Variants in PCSK2 observed in about 807,000 individuals in gnomAD.
The protein encoded by PCSK2 is proprotein convertase subtilisin/kexin type 2.
Under a neutral mutation model 69.7 loss-of-function variants are expected in PCSK2, and 14 were observed. The ratio of observed to expected loss-of-function variants is 0.20; its 90% CI spans 0.13 to 0.31. The LOEUF (loss-of-function observed/expected upper bound fraction) is 0.31, where lower values mean the gene tolerates loss of function less well. PCSK2 is among the 10% of genes least tolerant of loss of function. The pLI, the probability that PCSK2 is intolerant of heterozygous loss-of-function variation, is 1.00. For missense variants in PCSK2, 544 were observed against 842.5 expected (o/e 0.65, Z 4.39); for synonymous variants, 307 against 320.7 (o/e 0.96, Z 0.46).
chr20:17,329,795 A>T (rs2123149071), intron 2 of PCSK2, among the ~76,000 whole-genome samples: 1 of 152,356 alleles, frequency 6.6e-6, no homozygotes, highest in South Asian at 2.1e-4. Flanking sequence ...TGTTACGTAA[A>T]TATATGGTCA....
chr20:17,376,700 T>C (rs1202090118), intron 5 of PCSK2, among the ~76,000 whole-genome samples: 1 of 152,258 alleles, frequency 6.6e-6, no homozygotes, highest in Non-Finnish European at 1.5e-5. Context: ...CAATCATTCA[T>C]TCATTCAACA....
At chr20:17,472,699 T>C (rs2033222840) in intron 11 of PCSK2, among the ~76,000 whole-genome samples, 1 of 152,184 alleles carries the variant, frequency 6.6e-6, no homozygotes, top group African/African-American at 2.4e-5. Flanking sequence ...CCTGAGTAGC[T>C]GGGACTACAG....
At chr20:17,236,646 C>A (rs1485834941) in intron 1 of PCSK2, among the ~76,000 whole-genome samples, 1 of 152,046 alleles carries the variant, frequency 6.6e-6, no homozygotes, top group African/African-American at 2.4e-5. Flanking sequence ...TCTAATGTTA[C>A]CACAAGTCCT....
chr20:17,345,181 G>A (rs779445778), intron 2 of PCSK2, among the ~76,000 whole-genome samples: 45 of 152,088 alleles, frequency 3.0e-4, no homozygotes, highest in Admixed American at 7.2e-4. Context: ...GAGGTGATAT[G>A]GGTCATTGGA....
chr20:17,296,053 C>T (rs1032708240), intron 2 of PCSK2, among the ~76,000 whole-genome samples: 1 of 152,150 alleles, frequency 6.6e-6, no homozygotes, highest in Non-Finnish European at 1.5e-5. Flanking sequence ...GGGTGCAGGA[C>T]TCTGATGTGT....
intron 2 of PCSK2, among the ~76,000 whole-genome samples, chr20:17,280,001 A>T (rs1212982537): frequency 6.6e-6 from 1 of 152,032 alleles, no homozygotes; most frequent in African/African-American, 2.4e-5. Context: ...CAAAAAAAAA[A>T]AACACACTTG....
At chr20:17,456,811 C>G (rs1269474435) in intron 10 of PCSK2, among the ~76,000 whole-genome samples, 3 of 152,242 alleles carry the variant, frequency 2.0e-5, no homozygotes, top group Non-Finnish European at 4.4e-5. Flanking sequence ...GTGATATTCA[C>G]AATCAGCTAC....
chr20:17,462,298 T>A (rs932338003), intron 10 of PCSK2, among the ~76,000 whole-genome samples: 1 of 152,186 alleles, frequency 6.6e-6, no homozygotes, highest in Non-Finnish European at 1.5e-5. Flanking sequence ...CCCCAGGTGA[T>A]TCCAATGTGC....
At chr20:17,348,062 A>AG (rs780388733) in intron 2 of PCSK2, among the ~76,000 whole-genome samples, 1 of 96,942 alleles carries the variant, frequency 1.0e-5, no homozygotes, top group African/African-American at 4.0e-5. Context: ...AAAGAAAGAA[A>AG]GAAAGAAAGA....
In PCSK2 at chr20:17,302,312, CATGTTT is replaced by C. The variant is rs1327964682; in HGVS notation, c.282+41970_282+41975del. Reference sequence around the variant, plus strand: ...ATTATTCTTTGTCATTTGCCCTGAGCATGTTTAAATTTACCAATTTAAACATGCTGG... The same window carrying C: ...ATTATTCTTTGTCATTTGCCCTGAGCAAATTTACCAATTTAAACATGCTGG... On this transcript the variant is annotated intron_variant, in intron 2 of 11. Transcript: ENST00000262545. Among the ~76,000 whole-genome samples, 15 of 152,228 alleles carry C rather than the reference CATGTTT, an allele frequency of 9.9e-5. No homozygotes were observed. The South Asian group carries it at 2.1e-3, about 21-fold the overall frequency.
At chr20:17,352,166 G>A (rs1204766825) in intron 2 of PCSK2, among the ~76,000 whole-genome samples, 1 of 152,130 alleles carries the variant, frequency 6.6e-6, no homozygotes, top group Non-Finnish European at 1.5e-5. Flanking sequence ...TCTCTACAAG[G>A]AGAACTACAA....
intron 5 of PCSK2, among the ~76,000 whole-genome samples, chr20:17,399,355 T>A (rs966048978): frequency 6.6e-6 from 1 of 152,234 alleles, no homozygotes; most frequent in African/African-American, 2.4e-5. Context: ...CTACTGGTGT[T>A]ATTATTTACC....
At chr20:17,397,587 C>A (rs534436371) in intron 5 of PCSK2, among the ~76,000 whole-genome samples, 33 of 152,000 alleles carry the variant, frequency 2.2e-4, no homozygotes, top group African/African-American at 7.2e-4. Flanking sequence ...TCAAGCAATT[C>A]TCTGCTTCAG....
In PCSK2 at chr20:17,374,090, G is replaced by A. The variant is rs148275974; in HGVS notation, c.543+4813G>A. Among the ~76,000 whole-genome samples the A allele has an allele frequency of 5.3e-5, 8 of 152,114 alleles. No individual in the cohort carries two copies. The East Asian group carries it at 5.8e-4, about 11-fold the overall frequency. ...ATTATAACCTCCTTTACCCATCTTC[G>A]CTATAATAACTGGGTATTTTCTCTA... On this transcript the variant is annotated intron_variant, in intron 5 of 11. Coordinates refer to ENST00000262545, the MANE Select transcript of PCSK2 (RefSeq NM_002594.5).
At chr20:17,462,237 G>A (rs2033026065) in intron 10 of PCSK2, among the ~76,000 whole-genome samples, 1 of 151,944 alleles carries the variant, frequency 6.6e-6, no homozygotes, top group Non-Finnish European at 1.5e-5. Context: ...AATGTTTGGA[G>A]GAATCCATGG....
intron 11 of PCSK2, among the ~76,000 whole-genome samples, 187 bp from the exon 12 acceptor site, chr20:17,481,397 A>C (rs1434136065): frequency 8.3e-6 from 1 of 121,184 alleles, no homozygotes; most frequent in Non-Finnish European, 1.8e-5. Flanking sequence ...ACAAAAAAAA[A>C]AAAAAAAAAA....
At chr20:17,277,957 A>G (rs1163913706) in intron 2 of PCSK2, among the ~76,000 whole-genome samples, 6 of 152,110 alleles carry the variant, frequency 3.9e-5, no homozygotes, top group African/African-American at 9.7e-5. Context: ...CAGCCAAAAA[A>G]CACATGAAAA....
Position 17,435,739 on chromosome 20 carries a change from G to T in PCSK2, c.710-969G>T, listed in dbSNP as rs369486960. ...CTAGCACTCTAAGCTCCATGCCACA[G>T]AATTGTGAACCCACTGACCCATCCA... is the stretch of plus-strand genomic sequence containing the variant. On this transcript the variant is annotated intron_variant, in intron 7 of 11. Transcript: ENST00000262545. Among the ~76,000 whole-genome samples the T allele has an allele frequency of 2.7e-4, 41 of 152,290 alleles. No homozygotes were observed. The South Asian group carries it at 7.7e-3, about 28-fold the overall frequency.
intron 1 of PCSK2, among the ~76,000 whole-genome samples, chr20:17,242,093 C>T (rs1345125225): frequency 2.6e-5 from 4 of 152,204 alleles, no homozygotes; most frequent in Non-Finnish European, 5.9e-5. Context: ...GGACAGTGAG[C>T]TCAGCCCTAG....
Sources: gnomAD v4.1 joint callset for allele counts (sites outside exome capture counted in the v4.1 genomes callset) on GRCh38, gnomAD v4.1.1 for gene constraint, MANE v1.5 for transcripts, NCBI Gene and HGNC (gene_info 2026-07-23, HGNC 2026-07-21) for gene names.